The following ZNF185 variants were observed in gnomAD, a reference collection of about 807,000 sequenced individuals.
ZNF185 encodes zinc finger protein 185.
A neutral mutation model predicts 58.6 loss-of-function variants in ZNF185; 56 were observed. That is an observed-to-expected ratio of 0.95 (90% CI 0.77 to 1.19). ZNF185 has a LOEUF of 1.19. ZNF185 is among the 50% of genes most tolerant of loss of function. The probability of loss-of-function intolerance (pLI) is 0.00; values close to 1 mark genes in which losing one functional copy is unlikely to be tolerated. For missense variants in ZNF185, 627 were observed against 573.5 expected, an observed-to-expected ratio of 1.09 and a Z score of -0.95; for synonymous variants, 230 against 215.9, an observed-to-expected ratio of 1.07 and a Z score of -0.57.
At chrX:152,967,925 T>G (rs1556915986) in intron 20 of ZNF185, among the ~76,000 whole-genome samples, 1 of 112,193 alleles carries the variant, frequency 8.9e-6, no homozygotes, top group East Asian at 2.8e-4. Context: ...GACCCAGGAC[T>G]AAACCCCAGG....
At chrX:152,899,042 G>A in the ZNF185 span, among the ~76,000 whole-genome samples, 3 of 111,961 alleles carry the variant, frequency 2.7e-5, no homozygotes, top group Non-Finnish European at 5.7e-5. Context: ...GATAAAGTAG[G>A]TGGTGGGTGT....
At chrX:152,952,629 A>T in intron 16 of ZNF185, among the ~76,000 whole-genome samples, 1 of 110,661 alleles carries the variant, frequency 9.0e-6, no homozygotes, top group Admixed American at 9.7e-5. Flanking sequence ...TGAAGAGTAG[A>T]TAGGGGTATG....
chrX:152,908,835 G>A, the ZNF185 span, among the ~76,000 whole-genome samples: 1 of 113,557 alleles, frequency 8.8e-6, no homozygotes, highest in African/African-American at 3.2e-5. Flanking sequence ...GGGGAAGCAG[G>A]AGCATTGGCA....
At chrX:152,925,523 G>GCTCA (rs781793395) in intron 11 of ZNF185, among the ~76,000 whole-genome samples, 6 of 112,055 alleles carry the variant, frequency 5.4e-5, no homozygotes, top group African/African-American at 1.9e-4. Context: ...CCAACAGGAG[G>GCTCA]CTCAGCTTGA....
At chrX:152,962,719 G>T (rs1444963417) in intron 17 of ZNF185, among the ~76,000 whole-genome samples, 2 of 112,383 alleles carry the variant, frequency 1.8e-5, no homozygotes, top group Non-Finnish European at 3.8e-5. Flanking sequence ...CCCTCAGGAA[G>T]GGCTTCCCAG....
chrX:152,913,621 C>T (rs1937693243), upstream of ZNF185, among the ~76,000 whole-genome samples: 1 of 112,527 alleles, frequency 8.9e-6, no homozygotes, highest in African/African-American at 3.2e-5. Flanking sequence ...GCCACACTCG[C>T]CTGTTCCCTG....
chrX:152,898,837 T>C, the ZNF185 span, among the ~76,000 whole-genome samples: 2,472 of 112,228 alleles, frequency 0.022, 32 homozygotes, highest in Non-Finnish European at 0.033. Flanking sequence ...GGCTGGATTG[T>C]TTTGATGGGG....
intron 15 of ZNF185, chrX:152,941,637 G>A: frequency 8.7e-7 from 1 of 1,148,300 alleles, no homozygotes; most frequent in African/African-American, 1.8e-5. Flanking sequence ...CGCCTGCGTA[G>A]GCCGCCATTT....
exon 2 of ZNF185, chrX:152,914,739 C>T (rs781893395): frequency 1.8e-5 from 22 of 1,197,861 alleles, no homozygotes; most frequent in Non-Finnish European, 2.4e-5. Flanking sequence ...CGAGGAGGAG[C>T]GCAATAACGT....
exon 23 of ZNF185, chrX:152,972,245 G>A (rs5924780): frequency 9.0e-6 from 1 of 111,154 alleles, no homozygotes; most frequent in Non-Finnish European, 1.9e-5. Context: ...TGCGCAGAAC[G>A]CTACAGAGCC....
At chrX:152,923,899 G>A (rs1319210971) in intron 11 of ZNF185, among the ~76,000 whole-genome samples, 2 of 111,485 alleles carry the variant, frequency 1.8e-5, no homozygotes, top group African/African-American at 6.5e-5. Flanking sequence ...GCAATTGAGG[G>A]ATATGGGGGC....
chrX:152,918,940 G>T, intron 6 of ZNF185, 43 bp from the exon 8 acceptor site: 1 of 1,052,970 alleles, frequency 9.5e-7, no homozygotes, highest in Non-Finnish European at 1.3e-6. Flanking sequence ...AAGCTGCTGA[G>T]GGTGGCAGCC....
chrX:152,915,068 A>T, intron 2 of ZNF185, 70 bp from the exon 4 acceptor site: 4 of 1,134,210 alleles, frequency 3.5e-6, no homozygotes, highest in Non-Finnish European at 4.7e-6. Context: ...AGCCTCTAGG[A>T]TGGAGGCCAC....
intron 16 of ZNF185, among the ~76,000 whole-genome samples, chrX:152,948,800 T>C (rs961889563): frequency 3.6e-5 from 4 of 112,028 alleles, no homozygotes; most frequent in Admixed American, 2.8e-4. Context: ...ACAAGGACTT[T>C]AGATTTTCTT....
chrX:152,938,287 A>G, intron 15 of ZNF185, 124 bp downstream of exon 17: 2 of 634,991 alleles, frequency 3.1e-6, no homozygotes, highest in East Asian at 7.5e-5. Context: ...TGAGGCACAT[A>G]GCAAGGGCAG....
chrX:152,939,482 G>A (rs1231092621), intron 15 of ZNF185, among the ~76,000 whole-genome samples: 3 of 112,077 alleles, frequency 2.7e-5, no homozygotes, highest in South Asian at 3.7e-4. Flanking sequence ...AAATCCTCAG[G>A]AGAAACTACG....
At chrX:152,972,940 T>C (rs1174808432) in exon 23 of ZNF185, 2 of 112,000 alleles carry the variant, frequency 1.8e-5, no homozygotes, top group Non-Finnish European at 3.8e-5. Flanking sequence ...CACATTGGCT[T>C]GTGGGCTTGT....
At chrX:152,937,759 A>G (rs961232536) in intron 14 of ZNF185, among the ~76,000 whole-genome samples, 1 of 112,362 alleles carries the variant, frequency 8.9e-6, no homozygotes, top group Non-Finnish European at 1.9e-5. Flanking sequence ...CCCTCTGCCT[A>G]TTCCTTGAAC....
chrX:152,944,606 A>G (rs1603279595), intron 15 of ZNF185, among the ~76,000 whole-genome samples: 1 of 111,782 alleles, frequency 8.9e-6, no homozygotes. Flanking sequence ...GTGCAGTGCA[A>G]TCATGGGGTG....
Sources: allele counts gnomAD v4.1 joint callset (sites outside exome capture counted in the v4.1 genomes callset), GRCh38; gene constraint gnomAD v4.1.1; transcripts MANE v1.5; gene names NCBI Gene and HGNC (gene_info 2026-07-23, HGNC 2026-07-21).